NCOR1: variants seen among roughly 807,000 people sequenced by gnomAD.
The protein encoded by NCOR1 is nuclear receptor corepressor 1.
Under a neutral mutation model 288.1 loss-of-function variants are expected in NCOR1, and 63 were observed. The ratio of observed to expected loss-of-function variants is 0.22; its 90% CI spans 0.18 to 0.27. The LOEUF is 0.27. Among genes scored for constraint, NCOR1 ranks in the 10% least tolerant of loss-of-function variants. The pLI is 1.00. For missense variants in NCOR1, 2,397 were observed against 3,019.2 expected (o/e 0.79, Z 4.83); for synonymous variants, 1,007 against 1,065.9 (o/e 0.94, Z 1.08).
At chr17:16,075,821 G>T in intron 26 of NCOR1, 119 bp from the exon 27 acceptor site, 1 of 1,064,600 alleles carries the variant, frequency 9.4e-7, no homozygotes, top group East Asian at 2.5e-5. Flanking sequence ...AAAGAAGAAA[G>T]CACACATACA....
At position 16,142,046 on chromosome 17, in the gene NCOR1, C is replaced by T. The variant is rs184776650; in HGVS notation, c.1173+1560G>A. 9.2e-5 allele frequency among the ~76,000 whole-genome samples: 14 copies of T among 152,232 alleles called. No individual in the cohort carries two copies. In the East Asian group the frequency reaches 2.5e-3, roughly 27 times the overall value. ...AATTGGCAATTTTAAGTAGTAACTACCCCTCAAACTCCCCCTCCTCAAAAA... is the reference window on the plus strand; with the variant it reads ...AATTGGCAATTTTAAGTAGTAACTATCCCTCAAACTCCCCCTCCTCAAAAA... On this transcript the variant is annotated intron_variant, in intron 11 of 45. Coordinates refer to ENST00000268712, the MANE Select transcript of NCOR1 (RefSeq NM_006311.4).
At chr17:16,129,755 T>C (rs1019189243) in intron 14 of NCOR1, among the ~76,000 whole-genome samples, 4 of 152,202 alleles carry the variant, frequency 2.6e-5, no homozygotes, top group African/African-American at 9.7e-5. Context: ...GAAAACGGTT[T>C]ATGGCCTAAA....
chr17:16,062,001 G>A, intron 36 of NCOR1, 104 bp downstream of exon 36: 1 of 1,571,648 alleles, frequency 6.4e-7, no homozygotes, highest in Non-Finnish European at 8.6e-7. Flanking sequence ...AAGCCTTCAT[G>A]GCATGGGCAG....
At chr17:16,063,936 C>T in intron 35 of NCOR1, 132 bp downstream of exon 35, 2 of 1,228,104 alleles carry the variant, frequency 1.6e-6, no homozygotes, top group Non-Finnish European at 2.2e-6. Context: ...ACCTGTTTTT[C>T]ACTTGGGGCC....
intron 35 of NCOR1, among the ~76,000 whole-genome samples, chr17:16,062,756 C>T (rs190175658): frequency 1.5e-4 from 23 of 152,362 alleles, no homozygotes; most frequent in Admixed American, 3.3e-4. Flanking sequence ...CACTTCTTCA[C>T]TGTCCCCTTC....
At chr17:16,186,785 GGAAA>G in intron 2 of NCOR1, 98 bp from the exon 3 acceptor site, 1 of 1,041,444 alleles carries the variant, frequency 9.6e-7, no homozygotes, top group Non-Finnish European at 1.4e-6. Flanking sequence ...CACTAAGTAT[GGAAA>G]GAAAGAGCAA....
intron 14 of NCOR1, among the ~76,000 whole-genome samples, chr17:16,128,750 G>T (rs576512287): frequency 6.6e-6 from 1 of 151,924 alleles, no homozygotes; most frequent in East Asian, 1.9e-4. Flanking sequence ...TCTTAATAGC[G>T]CTCCAAAGTC....
chr17:16,170,635 G>C (rs892131475), intron 4 of NCOR1, among the ~76,000 whole-genome samples: 6 of 151,996 alleles, frequency 3.9e-5, no homozygotes, highest in African/African-American at 1.5e-4. Flanking sequence ...GAGTTCAAGA[G>C]ACCAGCCTGG....
intron 42 of NCOR1, among the ~76,000 whole-genome samples, chr17:16,041,736 T>A (rs145459273): frequency 0.025 from 3,736 of 150,608 alleles, 122 homozygotes; most frequent in African/African-American, 0.072. Flanking sequence ...TTAATTAATT[T>A]ATTAATTAAT....
intron 10 of NCOR1, 82 bp downstream of exon 10, chr17:16,146,292 TAC>T (rs891399184): frequency 1.5e-6 from 2 of 1,295,890 alleles, no homozygotes; most frequent in African/African-American, 3.0e-5. Context: ...GAATGATCAA[TAC>T]ATACTAAAAA....
At chr17:16,086,536 T>C in intron 22 of NCOR1, 94 bp from the exon 23 acceptor site, 1 of 1,147,214 alleles carries the variant, frequency 8.7e-7, no homozygotes, top group Non-Finnish European at 1.2e-6. Context: ...TTTAAATCAC[T>C]AATTAAAAAA....
intron 22 of NCOR1, among the ~76,000 whole-genome samples, chr17:16,088,518 G>A (rs1041999548): frequency 1.3e-4 from 20 of 152,040 alleles, no homozygotes; most frequent in African/African-American, 4.6e-4. Context: ...AGGCTTTCTA[G>A]GTGAATAATC....
intron 23 of NCOR1, among the ~76,000 whole-genome samples, chr17:16,086,007 G>A (rs2072820488): frequency 6.6e-6 from 1 of 152,152 alleles, no homozygotes; most frequent in South Asian, 2.1e-4. Context: ...AGTTTAGAGT[G>A]ATGTAAATTA....
chr17:16,101,848 G>A, intron 19 of NCOR1, 91 bp from the exon 20 acceptor site: 1 of 1,457,608 alleles, frequency 6.9e-7, no homozygotes, highest in Non-Finnish European at 9.3e-7. Flanking sequence ...TAATGAACAT[G>A]TTTCAGGTGG....
At chr17:16,202,011 G>A (rs894894799) in intron 1 of NCOR1, among the ~76,000 whole-genome samples, 1 of 152,074 alleles carries the variant, frequency 6.6e-6, no homozygotes, top group Admixed American at 6.6e-5. Context: ...AGGATCATGA[G>A]GTCAAGAGTT....
rs75820651 is a variant in NCOR1, at chr17:16,055,616, C to A, written c.6392+1898G>T. ...GTGACAAAATAATCTTTACAACAAA[C>A]CCCCACGACTCAAGTTTACCTATAT... On this transcript the variant is annotated intron_variant, in intron 40 of 45. Coordinates refer to ENST00000268712, the MANE Select transcript of NCOR1 (RefSeq NM_006311.4). 9.1e-3 allele frequency among the ~76,000 whole-genome samples: 1,379 copies of A among 152,242 alleles called. 25 individuals are homozygous for A. Among genetic ancestry groups the A allele is most frequent in the African/African-American group, 0.031 (1,292 of 41,522 alleles).
At chr17:16,111,512 G>GT (rs2070166076) in intron 18 of NCOR1, among the ~76,000 whole-genome samples, 1 of 152,042 alleles carries the variant, frequency 6.6e-6, no homozygotes, top group Non-Finnish European at 1.5e-5. Flanking sequence ...TGAGGCAGGA[G>GT]TATCGCTTGA....
At chr17:16,091,016 ATTC>A (rs1314420850) in intron 22 of NCOR1, among the ~76,000 whole-genome samples, 1 of 152,218 alleles carries the variant, frequency 6.6e-6, no homozygotes, top group African/African-American at 2.4e-5. Flanking sequence ...ACATGTGCCA[ATTC>A]TTCTAACCAT....
Position 16,071,438 on chromosome 17 carries a change from G to T in NCOR1, c.4123C>A (p.Arg1375=). 6.2e-7 allele frequency: 1 copy of T among 1,613,772 alleles called. No homozygotes were observed. The highest frequency in any genetic ancestry group is 8.5e-7 in the Non-Finnish European group (1 of 1,179,798). The part of the protein sequence containing the change: ...RKTPEVVQST[R]PIIEGSISQG... ...GAAATGGAACCCTCAATTATCGGCC[G>T]TGTGCTCTGGACCACTTCTGGAGTT... is the stretch of plus-strand genomic sequence containing the variant. Residue 1375 remains arginine, a synonymous_variant, in exon 30 of 46, where the codon CGG becomes AGG. Coordinates refer to ENST00000268712, the MANE Select transcript of NCOR1 (RefSeq NM_006311.4).
Sources: gnomAD v4.1 joint callset for allele counts (sites outside exome capture counted in the v4.1 genomes callset) on GRCh38, gnomAD v4.1.1 for gene constraint, MANE v1.5 for transcripts, NCBI Gene and HGNC (gene_info 2026-07-23, HGNC 2026-07-21) for gene names.